The following FNTB variants were observed in gnomAD, a reference collection of about 807,000 sequenced individuals.
FNTB encodes the protein protein farnesyltransferase subunit beta.
A neutral mutation model predicts 59.4 loss-of-function variants in FNTB; 27 were observed. The observed-to-expected ratio is 0.45, with a 90% CI of 0.34 to 0.63. The LOEUF is 0.63. Among genes scored for constraint, FNTB ranks in the 20% least tolerant of loss-of-function variants. The pLI is 0.02. For missense variants in FNTB, 449 were observed against 559.6 expected (o/e 0.80, Z 1.99); for synonymous variants, 230 against 220.7 (o/e 1.04, Z -0.37).
At position 64,997,764 on chromosome 14, in the gene FNTB, G is replaced by T. The variant is rs760157016; in HGVS notation, c.145-6485G>T. Among the ~76,000 whole-genome samples, 5 of 152,238 alleles carry T rather than the reference G, an allele frequency of 3.3e-5. No homozygotes were observed. The highest frequency in any genetic ancestry group is 6.5e-5 in the Admixed American group (1 of 15,282). On this transcript the variant is annotated intron_variant, in intron 1 of 11. Transcript: ENST00000246166. This position sits in a 1 kb window ranked among gnomAD's most constrained non-coding sequence, Gnocchi z 4.5. The stretch of plus-strand genomic sequence containing the variant: ...GTTTGTTATGCAGGTTTAGGCAGGT[G>T]CCTTCTCCATTGGTAAGAGTTCCTA...
chr14:64,991,234 T>C lies in FNTB; in HGVS notation c.144+4137T>C, dbSNP rs1888186568. On this transcript the variant is annotated intron_variant, in intron 1 of 11. Coordinates refer to ENST00000246166, the MANE Select transcript of FNTB (RefSeq NM_002028.4). This position sits in a 1 kb window ranked among gnomAD's most constrained non-coding sequence, Gnocchi z 4.4. ...ATTGTCAATGAAGTGACTTGAACTC[T>C]GAGGGGAATATAAGAGAATTATTAG... 6.6e-6 allele frequency among the ~76,000 whole-genome samples: 1 copy of C among 152,232 alleles called. No individual in the cohort carries two copies. The highest frequency in any genetic ancestry group is 2.1e-4 in the South Asian group (1 of 4,834).
At chr14:65,051,836 C>T (rs2062619616) in intron 9 of FNTB, among the ~76,000 whole-genome samples, 1 of 150,156 alleles carries the variant, frequency 6.7e-6, no homozygotes, top group South Asian at 2.1e-4. Flanking sequence ...GCTGTGTCGC[C>T]CAGGCTGGAG....
rs537273371 is a variant in FNTB, at chr14:65,019,817, A to T, written c.374+4101A>T. Among the ~76,000 whole-genome samples the T allele has an allele frequency of 1.3e-4, 20 of 152,382 alleles. No homozygotes were observed. In the South Asian group the frequency reaches 4.1e-3, roughly 32 times the overall value. Reference sequence around the variant, plus strand: ...GAACAAAGCCTACTGGCTCTGACCCATAAGGAAATAGATTATTTTTAGTAA... The same window carrying T: ...GAACAAAGCCTACTGGCTCTGACCCTTAAGGAAATAGATTATTTTTAGTAA... On this transcript the variant is annotated intron_variant, in intron 4 of 11. Transcript: ENST00000246166.
intron 11 of FNTB, 37 bp from the exon 12 acceptor site, chr14:65,061,144 C>T (rs767137731): frequency 1.1e-5 from 18 of 1,611,890 alleles, no homozygotes; most frequent in African/African-American, 2.7e-5. Context: ...CAAGGACCAC[C>T]GGGGTGATTA....
chr14:65,024,095 C>T (rs1303629501), intron 4 of FNTB, among the ~76,000 whole-genome samples: 1 of 149,296 alleles, frequency 6.7e-6, no homozygotes, highest in East Asian at 1.9e-4. Context: ...GAGGGACACT[C>T]CATCTCCTAA....
intron 1 of FNTB, among the ~76,000 whole-genome samples, chr14:64,999,402 C>T (rs1888520343): frequency 6.6e-6 from 1 of 152,198 alleles, no homozygotes; most frequent in Admixed American, 6.5e-5. Flanking sequence ...CGCAGCACTG[C>T]ACTCAAGCCT....
chr14:65,018,136 AT>A, intron 4 of FNTB, among the ~76,000 whole-genome samples: 1 of 152,120 alleles, frequency 6.6e-6, no homozygotes, highest in Non-Finnish European at 1.5e-5. Context: ...GGGCCCAGGA[AT>A]TCAAGACCAG....
At chr14:65,017,310 A>G (rs2061794405) in intron 4 of FNTB, among the ~76,000 whole-genome samples, 2 of 152,134 alleles carry the variant, frequency 1.3e-5, no homozygotes, top group African/African-American at 4.8e-5. Context: ...ATATTTGGAA[A>G]GTTTTCCCTT....
At chr14:64,998,620 A>G (rs1022508505) in intron 1 of FNTB, among the ~76,000 whole-genome samples, 3 of 152,186 alleles carry the variant, frequency 2.0e-5, no homozygotes, top group African/African-American at 7.2e-5. Context: ...CCCTCTCTTC[A>G]TAGCTGTCCC....
In FNTB at chr14:65,044,527, G is replaced by C; in HGVS notation, c.955+84G>C. On this transcript the variant is annotated intron_variant, in intron 9 of 11. Coordinates refer to ENST00000246166, the MANE Select transcript of FNTB (RefSeq NM_002028.4). The surrounding 1 kb of genome is among the most constrained non-coding windows in gnomAD (Gnocchi z 5.5). ...TCTGGAAGCCCAGCGTGCTTTTTTA[G>C]AGGGGTTGAAATGAGCTCTGTCTAT... 1 of 1,536,820 alleles carries C rather than the reference G, an allele frequency of 6.5e-7. No individual in the cohort carries two copies. The highest frequency in any genetic ancestry group is 1.3e-5 in the South Asian group (1 of 77,642).
intron 7 of FNTB, among the ~76,000 whole-genome samples, chr14:65,034,794 A>G (rs1207446868): frequency 6.6e-6 from 1 of 152,032 alleles, no homozygotes; most frequent in Non-Finnish European, 1.5e-5. Context: ...TGTGTCCTGG[A>G]GTTGGCATGT....
chr14:64,996,633 G>T (rs1200086185), intron 1 of FNTB, among the ~76,000 whole-genome samples: 1 of 152,136 alleles, frequency 6.6e-6, no homozygotes, highest in Non-Finnish European at 1.5e-5. Context: ...AGGTGTAGGG[G>T]ATGAGGTATC....
At chr14:65,021,027 G>A (rs997992084) in intron 4 of FNTB, among the ~76,000 whole-genome samples, 4 of 152,312 alleles carry the variant, frequency 2.6e-5, no homozygotes, top group East Asian at 1.9e-4. Context: ...ACCGCACCCG[G>A]CCTAGCTTCC....
chr14:64,987,176 G>A (rs1887978637), intron 1 of FNTB, 79 bp downstream of exon 1: 1 of 1,543,724 alleles, frequency 6.5e-7, no homozygotes. Context: ...CCGCCCGGGT[G>A]CGGAACTCAC....
At chr14:65,010,745 TTTTG>T (rs1321549963) in intron 2 of FNTB, among the ~76,000 whole-genome samples, 9 of 152,148 alleles carry the variant, frequency 5.9e-5, no homozygotes, top group East Asian at 1.9e-4. Flanking sequence ...ATCCTTGTTT[TTTTG>T]TTTGTTTGTT....
intron 1 of FNTB, among the ~76,000 whole-genome samples, chr14:64,998,629 C>T (rs986572048): frequency 6.6e-6 from 1 of 152,106 alleles, no homozygotes; most frequent in African/African-American, 2.4e-5. Context: ...CATAGCTGTC[C>T]CTGGCTTTAT....
intron 10 of FNTB, 122 bp downstream of exon 10, chr14:65,053,471 C>A: frequency 2.4e-6 from 2 of 850,580 alleles, no homozygotes; most frequent in Non-Finnish European, 3.1e-6. Flanking sequence ...ACCTGCATAG[C>A]GCTAGGTTGT....
intron 1 of FNTB, among the ~76,000 whole-genome samples, chr14:64,989,477 G>A (rs1358447449): frequency 2.7e-5 from 4 of 150,796 alleles, no homozygotes; most frequent in Non-Finnish European, 5.9e-5. Context: ...TTTGGTACTG[G>A]CCTGGGCAAC....
chr14:65,056,311 C>T (rs2062735690), intron 11 of FNTB, among the ~76,000 whole-genome samples: 1 of 152,144 alleles, frequency 6.6e-6, no homozygotes, highest in African/African-American at 2.4e-5. Context: ...CTCTGTTCTC[C>T]TGCTAGTTAT....
Sources: allele counts gnomAD v4.1 joint callset (sites outside exome capture counted in the v4.1 genomes callset), GRCh38; gene constraint gnomAD v4.1.1; non-coding constraint Gnocchi (gnomAD v3.1); transcripts MANE v1.5; gene names NCBI Gene and HGNC (gene_info 2026-07-23, HGNC 2026-07-21).